DLGAP2: variants seen among roughly 807,000 people sequenced by gnomAD.
DLGAP2 encodes the protein disks large-associated protein 2.
DLGAP2 carries 26 observed loss-of-function variants against 100.3 expected under a neutral mutation model. The ratio of observed to expected loss-of-function variants is 0.26; its 90% CI spans 0.19 to 0.36. The LOEUF (loss-of-function observed/expected upper bound fraction) is 0.36, where lower values mean the gene tolerates loss of function less well. Ranked by LOEUF, DLGAP2 falls within the 10% of genes least tolerant of loss-of-function variation. DLGAP2 has a pLI of 1.00. For synonymous variants in DLGAP2, 886 were observed against 630.1 expected (o/e 1.41, Z -6.08); for missense variants, 1,858 against 1,453.2 (o/e 1.28, Z -4.53).
chr8:1,346,076 G>T (rs919146620), intron 3 of DLGAP2, among the ~76,000 whole-genome samples: 9 of 152,206 alleles, frequency 5.9e-5, no homozygotes, highest in Non-Finnish European at 1.0e-4. Flanking sequence ...CTGAGTGGAG[G>T]TTGAGTGCCC....
intron 1 of DLGAP2, among the ~76,000 whole-genome samples, chr8:783,179 T>A (rs1344606243): frequency 6.6e-6 from 1 of 152,226 alleles, no homozygotes; most frequent in Non-Finnish European, 1.5e-5. Flanking sequence ...ATCCCAGATA[T>A]TAATACATGT....
intron 3 of DLGAP2, among the ~76,000 whole-genome samples, chr8:1,456,155 G>A (rs542172643): frequency 2.0e-5 from 3 of 152,180 alleles, no homozygotes; most frequent in Admixed American, 6.5e-5. Flanking sequence ...GCCGGTTTTT[G>A]AGCCACCTCT....
At chr8:1,584,510 G>T (rs902852378) in intron 6 of DLGAP2, among the ~76,000 whole-genome samples, 1 of 152,144 alleles carries the variant, frequency 6.6e-6, no homozygotes, top group African/African-American at 2.4e-5. Flanking sequence ...TTCATTTTTA[G>T]TTTCAGCTGG....
rs1802256649 is a variant in DLGAP2, at chr8:1,372,225, G to T, written c.106+113342G>T. On this transcript the variant is annotated intron_variant, in intron 3 of 14. Transcript: ENST00000637795. ...CCGTGCTGCCAACGCTGGGACGCTG[G>T]TCACCGTGGTGCCAACGCTGGGACG... Among the ~76,000 whole-genome samples, 4 of 88,076 alleles carry T rather than the reference G, an allele frequency of 4.5e-5. No homozygotes were observed. The South Asian group carries it at 1.3e-3, about 29-fold the overall frequency. The allele number at this position is 88,076 out of a possible 152,430, so 57.8% of individuals were successfully genotyped here.
chr8:867,060 C>G (rs1001507767), intron 1 of DLGAP2, among the ~76,000 whole-genome samples: 1 of 152,216 alleles, frequency 6.6e-6, no homozygotes, highest in Non-Finnish European at 1.5e-5. Flanking sequence ...GTGCTGTTCA[C>G]CTGTCAGCTG....
chr8:1,162,323 C>G (rs1173797093), intron 2 of DLGAP2, among the ~76,000 whole-genome samples: 1 of 152,210 alleles, frequency 6.6e-6, no homozygotes, highest in African/African-American at 2.4e-5. Context: ...ATGTTTGTTT[C>G]TAGCCAGCGT....
chr8:1,208,511 A>T lies in DLGAP2; in HGVS notation c.74-50340A>T, dbSNP rs1798041435. 2.0e-5 allele frequency among the ~76,000 whole-genome samples: 3 copies of T among 152,186 alleles called. 1 individual carries two copies. In the South Asian group the frequency reaches 6.2e-4, roughly 32 times the overall value. On this transcript the variant is annotated intron_variant, in intron 2 of 14. Coordinates refer to ENST00000637795, the MANE Select transcript of DLGAP2 (RefSeq NM_001346810.2). ...TAAAAGTCATCTATGACACACTAAC[A>T]GCCAACATTATACTGAACAGGGAAA...
intron 2 of DLGAP2, among the ~76,000 whole-genome samples, chr8:1,062,605 A>G (rs1803119486): frequency 6.6e-6 from 1 of 152,118 alleles, no homozygotes; most frequent in Non-Finnish European, 1.5e-5. Flanking sequence ...TAATCCCAAT[A>G]GCCGCTTTCC....
intron 3 of DLGAP2, among the ~76,000 whole-genome samples, chr8:1,425,404 C>T (rs139543636): frequency 2.7e-3 from 418 of 152,286 alleles, no homozygotes; most frequent in Non-Finnish European, 3.9e-3. Context: ...CTTTGCTACT[C>T]GACAGCATCG....
chr8:836,753 A>G (rs1796885041), intron 1 of DLGAP2, among the ~76,000 whole-genome samples: 1 of 152,206 alleles, frequency 6.6e-6, no homozygotes, highest in Non-Finnish European at 1.5e-5. Context: ...AGGGCGTTTC[A>G]TGTGAACACC....
At chr8:1,331,629 A>G (rs1350618700) in intron 3 of DLGAP2, among the ~76,000 whole-genome samples, 1 of 152,128 alleles carries the variant, frequency 6.6e-6, no homozygotes, top group Non-Finnish European at 1.5e-5. Flanking sequence ...TTTTGTGTTA[A>G]TCTCAGTTTG....
At chr8:1,199,954 C>A (rs1443012831) in intron 2 of DLGAP2, among the ~76,000 whole-genome samples, 1 of 152,140 alleles carries the variant, frequency 6.6e-6, no homozygotes, top group Admixed American at 6.5e-5. Context: ...CACAACCCCC[C>A]GCAGAGGCCG....
In DLGAP2 at chr8:1,641,919, T is replaced by TCGACCCCGCCGGTCCC. The variant is rs1563275340; in HGVS notation, c.1810+8874_1810+8875insGACCCCGCCGGTCCCC. Among the ~76,000 whole-genome samples the TCGACCCCGCCGGTCCC allele has an allele frequency of 5.7e-4, 59 of 102,934 alleles. 2 individuals are homozygous for TCGACCCCGCCGGTCCC. Among genetic ancestry groups the TCGACCCCGCCGGTCCC allele is most frequent in the African/African-American group, 2.1e-3 (51 of 23,756 alleles). 67.5% of individuals were successfully genotyped at this position (102,934 alleles called of 152,430 possible). A position where few individuals can be genotyped will look rare whatever the true frequency, so the allele number is the denominator to read the frequency against. The stretch of plus-strand genomic sequence containing the variant: ...GTGTCACCCTCGACCCCGCCGGCCC[T>TCGACCCCGCCGGTCCC]CACCTGTGTCACCCTCGACCCCGCC... On this transcript the variant is annotated intron_variant, in intron 8 of 14. Coordinates refer to ENST00000637795, the MANE Select transcript of DLGAP2 (RefSeq NM_001346810.2).
intron 4 of DLGAP2, among the ~76,000 whole-genome samples, chr8:1,515,175 G>A (rs936239520): frequency 2.0e-5 from 3 of 152,158 alleles, no homozygotes; most frequent in African/African-American, 4.8e-5. Flanking sequence ...TGGAAATCAC[G>A]GAGAGTTGTT....
Position 1,114,298 on chromosome 8 carries a change from G to A in DLGAP2, c.74-144553G>A, listed in dbSNP as rs1054219237. On this transcript the variant is annotated intron_variant, in intron 2 of 14. Coordinates refer to ENST00000637795, the MANE Select transcript of DLGAP2 (RefSeq NM_001346810.2). ...GTACCAGCTCTGCTTTATACATCTG[G>A]TAGAGTTCAGCTGTAAATTCATCTG... Among the ~76,000 whole-genome samples, 154 of 152,134 alleles carry A rather than the reference G, an allele frequency of 1.0e-3. 2 individuals are homozygous for A. Among genetic ancestry groups the A allele is most frequent in the Non-Finnish European group, 1.7e-3 (114 of 68,002 alleles).
At position 1,549,514 on chromosome 8, in the gene DLGAP2, G is replaced by T. The variant is rs1801686502; in HGVS notation, c.1061G>T (p.Cys354Phe). 6.2e-7 allele frequency: 1 copy of T among 1,613,374 alleles called. No homozygotes were observed. Among genetic ancestry groups the T allele is most frequent in the African/African-American group, 1.3e-5 (1 of 74,952 alleles). Residue 354 changes from cysteine (C) to phenylalanine (F), a missense_variant, in exon 5 of 15, where the codon TGT becomes TTT. By Grantham distance (205) the Cys-to-Phe change is radical. Coordinates refer to ENST00000637795, the MANE Select transcript of DLGAP2 (RefSeq NM_001346810.2). Reference sequence around the variant, plus strand: ...AACAACGACGTCAAGTGCTCGGCCTGTGAGGGGTTGGCGCTGACGCCCGAC... The same window carrying T: ...AACAACGACGTCAAGTGCTCGGCCTTTGAGGGGTTGGCGCTGACGCCCGAC... ...KSNNDVKCSA[C>F]EGLALTPDAK...
chr8:1,321,504 G>C (rs1316364529), intron 3 of DLGAP2, among the ~76,000 whole-genome samples: 1 of 152,264 alleles, frequency 6.6e-6, no homozygotes, highest in Non-Finnish European at 1.5e-5. Flanking sequence ...CCACCATGCT[G>C]CTTGGCTGTC....
chr8:1,136,891 T>G (rs913747084), intron 2 of DLGAP2, among the ~76,000 whole-genome samples: 1 of 152,200 alleles, frequency 6.6e-6, no homozygotes, highest in African/African-American at 2.4e-5. Context: ...CAAAGACATT[T>G]GATAGCACCT....
intron 3 of DLGAP2, among the ~76,000 whole-genome samples, chr8:1,482,650 T>C (rs1339615148): frequency 6.6e-6 from 1 of 152,178 alleles, no homozygotes; most frequent in Non-Finnish European, 1.5e-5. Flanking sequence ...CTCCCCACGG[T>C]TTCCGGGAGT....
Sources: allele counts gnomAD v4.1 joint callset (sites outside exome capture counted in the v4.1 genomes callset), GRCh38; gene constraint gnomAD v4.1.1; transcripts MANE v1.5; gene names NCBI Gene and HGNC (gene_info 2026-07-23, HGNC 2026-07-21).